The following OR8J1 variants were observed in gnomAD, a reference collection of about 807,000 sequenced individuals.
OR8J1 encodes the protein olfactory receptor 8J1.
For missense variants in OR8J1, 400 were observed against 373.0 expected, an observed-to-expected ratio of 1.07 and a Z score of -0.60; for synonymous variants, 157 against 144.3, an observed-to-expected ratio of 1.09 and a Z score of -0.63.
chr11:56,358,338 T>C, intron 1 of OR8J1: 2 of 165,352 alleles, frequency 1.2e-5, no homozygotes, highest in Non-Finnish European at 2.6e-5. Context: ...AATTCTTCCT[T>C]ATTATAATCT....
Position 56,360,546 on chromosome 11 carries a change from A to G in OR8J1, c.300A>G (p.Gln100=), listed in dbSNP as rs749711395. The part of the protein sequence containing the change: ...KTTSFYECAT[Q]LGGFLFFIVS... ...CCTCATTCTATGAATGTGCCACCCA[A>G]CTGGGAGGGTTCTTGTTCTTTATTG... is the stretch of plus-strand genomic sequence containing the variant. Residue 100 remains glutamine, a synonymous_variant, in exon 2 of 2, where the codon CAA becomes CAG. Coordinates refer to ENST00000533152, the MANE Select transcript of OR8J1 (RefSeq NM_001005205.3). 19 of 1,613,826 alleles carry G rather than the reference A, an allele frequency of 1.2e-5. No individual in the cohort carries two copies. The highest frequency in any genetic ancestry group is 1.1e-4 in the East Asian group (5 of 44,866).
intron 1 of OR8J1, among the ~76,000 whole-genome samples, chr11:56,358,603 A>G (rs970955176): frequency 2.0e-5 from 3 of 152,196 alleles, no homozygotes; most frequent in Admixed American, 6.5e-5. Flanking sequence ...AGAAACTGCT[A>G]AAATTAAAAA....
rs1852613396 is a variant in OR8J1 at position 56,360,096 on chromosome 11, CTTGAGT to C, written c.-20-128_-20-123del. 4 of 544,562 alleles carry C rather than the reference CTTGAGT, an allele frequency of 7.3e-6. No homozygotes were observed. The South Asian group carries it at 1.6e-4, about 22-fold the overall frequency. 33.7% of individuals were successfully genotyped at this position (544,562 alleles called of 1,614,324 possible). A position where few individuals can be genotyped will look rare whatever the true frequency, so the allele number is the denominator to read the frequency against. ...CAAGTTTACTTATTAGACCTAGAAGCTTGAGTTTAATAACTGAGTTAGAGTAATAAA... is the reference window on the plus strand; with the variant it reads ...CAAGTTTACTTATTAGACCTAGAAGCTTAATAACTGAGTTAGAGTAATAAA... On this transcript the variant is annotated intron_variant, in intron 1 of 1. Coordinates refer to ENST00000533152, the MANE Select transcript of OR8J1 (RefSeq NM_001005205.3).
Position 56,360,658 on chromosome 11 carries a change from C to G in OR8J1, c.412C>G (p.Arg138Gly). The change falls in exon 2 of 2, where the codon CGG becomes GGG. Residue 138 changes from arginine to glycine, a missense_variant. By Grantham distance (125) the Arg-to-Gly change is moderately radical. Transcript: ENST00000533152. ...NPLLYMVVVS[R>G]RLCLLLVSLT... Reference sequence around the variant, plus strand: ...TCTGCTGTACATGGTGGTGGTGTCTCGGCGGCTCTGCCTCCTGCTGGTCTC... The same window carrying G: ...TCTGCTGTACATGGTGGTGGTGTCTGGGCGGCTCTGCCTCCTGCTGGTCTC... 6.2e-7 allele frequency: 1 copy of G among 1,611,362 alleles called. No homozygotes were observed. The highest frequency in any genetic ancestry group is 8.5e-7 in the Non-Finnish European group (1 of 1,178,998).
chr11:56,361,192 A>C lies in OR8J1; in HGVS notation c.946A>C (p.Met316Leu). The part of the protein sequence containing the change: ...MTNLCYSFKT[M>L] ...AAATCTGTGCTATTCCTTTAAAACA[A>C]TGTAATTTTAAACAGTACAGGTAAA... The change falls in exon 2 of 2, where the codon ATG becomes CTG. Residue 316 changes from methionine to leucine, a missense_variant. Physicochemically the swap from Met to Leu is conservative, Grantham distance 15. Coordinates refer to ENST00000533152, the MANE Select transcript of OR8J1 (RefSeq NM_001005205.3). 1 of 1,287,758 alleles carries C rather than the reference A, an allele frequency of 7.8e-7. No individual in the cohort carries two copies. Among genetic ancestry groups the C allele is most frequent in the Non-Finnish European group, 1.0e-6 (1 of 989,726 alleles). 79.8% of individuals were successfully genotyped at this position (1,287,758 alleles called of 1,614,324 possible).
rs1052618412 is a variant in OR8J1, at chr11:56,361,391, A to C, written c.*194A>C. ...ACCCTTTGAGTTGTGAGGTTAAGTTAGAAAAAAAAAATGTTATTTACCAAT... is the reference window on the plus strand; with the variant it reads ...ACCCTTTGAGTTGTGAGGTTAAGTTCGAAAAAAAAAATGTTATTTACCAAT... On this transcript the variant is annotated 3_prime_UTR_variant, in exon 2 of 2. Transcript: ENST00000533152. 3 of 393,284 alleles carry C rather than the reference A, an allele frequency of 7.6e-6. No individual in the cohort carries two copies. The highest frequency in any genetic ancestry group is 6.3e-5 in the African/African-American group (3 of 47,746). 24.4% of individuals were successfully genotyped at this position (393,284 alleles called of 1,614,324 possible). A position where few individuals can be genotyped will look rare whatever the true frequency, so the allele number is the denominator to read the frequency against.
At chr11:56,358,812 G>A (rs543848051) in intron 1 of OR8J1, among the ~76,000 whole-genome samples, 150 of 152,088 alleles carry the variant, frequency 9.9e-4, no homozygotes, top group African/African-American at 3.2e-3. Context: ...AAGTTTGCAC[G>A]TTACCAGAGT....
At chr11:56,357,693 G>C in intron 1 of OR8J1, 1 of 1,585,002 alleles carries the variant, frequency 6.3e-7, no homozygotes. Context: ...AGGCCAAGTG[G>C]AGGCGACTAG....
chr11:56,357,680 T>A, intron 1 of OR8J1: 3 of 1,582,318 alleles, frequency 1.9e-6, no homozygotes, highest in Non-Finnish European at 1.7e-6. Flanking sequence ...ACAAGATCTA[T>A]GAAGGCCAAG....
At position 56,361,121 on chromosome 11, in the gene OR8J1, G is replaced by A; in HGVS notation, c.875G>A (p.Ser292Asn). The A allele has an allele frequency of 1.3e-6, 2 of 1,491,068 alleles. No homozygotes were observed. Among genetic ancestry groups the A allele is most frequent in the Non-Finnish European group, 1.8e-6 (2 of 1,128,104 alleles). 92.4% of individuals were successfully genotyped at this position (1,491,068 alleles called of 1,614,324 possible). The change falls in exon 2 of 2, where the codon AGC becomes AAC. Residue 292 changes from serine (S) to asparagine (N), a missense_variant. Ser to Asn is a conservative substitution (Grantham distance 46, BLOSUM62 1). Transcript: ENST00000533152. ...CCTATGCTGAATCCCTTGATCTACA[G>A]CCTGAGGAATAAGGATGTGAAGACT... is the stretch of plus-strand genomic sequence containing the variant. ...VIPMLNPLIYSLRNKDVKTAL... is the reference protein window; with the variant it reads ...VIPMLNPLIYNLRNKDVKTAL...
intron 1 of OR8J1, chr11:56,357,730 AT>A (rs1197722977): frequency 1.3e-6 from 2 of 1,579,072 alleles, no homozygotes; most frequent in African/African-American, 2.7e-5. Flanking sequence ...GAAAGCATTG[AT>A]GGTCAGCCAG....
At chr11:56,359,618 T>TA (rs1358345761) in intron 1 of OR8J1, among the ~76,000 whole-genome samples, 3 of 151,614 alleles carry the variant, frequency 2.0e-5, no homozygotes, top group Admixed American at 6.6e-5. Flanking sequence ...CATTGAAAGC[T>TA]AAAAAAAATT....
chr11:56,355,266 AAT>A (rs142666884), intron 1 of OR8J1, among the ~76,000 whole-genome samples: 55 of 149,772 alleles, frequency 3.7e-4, no homozygotes, highest in African/African-American at 6.1e-4. Flanking sequence ...ATAGGGAATA[AAT>A]ATATATATAT....
At chr11:56,358,112 TGAA>T (rs1271553000) in intron 1 of OR8J1, 1 of 490,772 alleles carries the variant, frequency 2.0e-6, no homozygotes, top group African/African-American at 1.9e-5. Flanking sequence ...ACAGAAGTTA[TGAA>T]GAAGAGGCAG....
At chr11:56,357,724 G>C (rs1854989332) in intron 1 of OR8J1, 2 of 1,581,184 alleles carry the variant, frequency 1.3e-6, no homozygotes, top group Non-Finnish European at 1.7e-6. Context: ...AATGTGGAAA[G>C]CATTGATGGT....
At chr11:56,354,845 T>C (rs1854946869) in intron 1 of OR8J1, among the ~76,000 whole-genome samples, 1 of 152,198 alleles carries the variant, frequency 6.6e-6, no homozygotes, top group East Asian at 1.9e-4. Context: ...TCCACTGCAA[T>C]AATGGAAAGT....
rs774070239 is a variant in OR8J1 at position 56,360,818 on chromosome 11, ATACT to A, written c.580_583del (p.Leu194GlnfsTer17). 21 of 1,540,034 alleles carry A rather than the reference ATACT, an allele frequency of 1.4e-5. No individual in the cohort carries two copies. The highest frequency in any genetic ancestry group is 1.7e-5 in the Non-Finnish European group (19 of 1,150,628). ...CCTCTGTTAGCATTATCTTGCTCTG[ATACT>A]TACTTACCAGAAACAGTTGTCTTTA... On this transcript the variant is annotated frameshift_variant, in exon 2 of 2. Transcript: ENST00000533152. LOFTEE classifies it low-confidence loss of function (END_TRUNC).
chr11:56,361,043 A>T lies in OR8J1; in HGVS notation c.797A>T (p.His266Leu). Residue 266 changes from histidine to leucine, a missense_variant, in exon 2 of 2, where the codon CAT becomes CTT. By Grantham distance (99) the His-to-Leu change is moderately conservative. Coordinates refer to ENST00000533152, the MANE Select transcript of OR8J1 (RefSeq NM_001005205.3). The stretch of plus-strand genomic sequence containing the variant: ...ATGTATGTGCAGCCCCGAAGTAACC[A>T]TTCACTGGATACTGATGATAAGATG... ...LFMYVQPRSN[H>L]SLDTDDKMAS... 6.7e-7 allele frequency: 1 copy of T among 1,503,678 alleles called. No individual in the cohort carries two copies. The highest frequency in any genetic ancestry group is 8.8e-7 in the Non-Finnish European group (1 of 1,135,326). 93.1% of individuals were successfully genotyped at this position (1,503,678 alleles called of 1,614,324 possible). A position where few individuals can be genotyped will look rare whatever the true frequency, so the allele number is the denominator to read the frequency against.
At chr11:56,357,232 T>C (rs896865533) in intron 1 of OR8J1, 1 of 305,130 alleles carries the variant, frequency 3.3e-6, no homozygotes, top group Non-Finnish European at 6.0e-6. Context: ...CCAATAATGT[T>C]TTTCACCTAT....
Sources: allele counts gnomAD v4.1 joint callset (sites outside exome capture counted in the v4.1 genomes callset), GRCh38; gene constraint gnomAD v4.1.1; transcripts MANE v1.5; gene names NCBI Gene and HGNC (gene_info 2026-07-23, HGNC 2026-07-21).